The following CSNK1D variants were observed in gnomAD, a reference collection of about 807,000 sequenced individuals.
CSNK1D encodes the protein casein kinase 1 delta, also known as casein kinase I isoform delta.
Under a neutral mutation model 46.6 loss-of-function variants are expected in CSNK1D, and 16 were observed. That is an observed-to-expected ratio of 0.34 (90% CI 0.23 to 0.52). CSNK1D has a LOEUF of 0.52. Ranked by LOEUF, CSNK1D falls within the 20% of genes least tolerant of loss-of-function variation. The pLI is 0.95. For synonymous variants in CSNK1D, 276 were observed against 228.2 expected (o/e 1.21, Z -1.89); for missense variants, 398 against 578.4 (o/e 0.69, Z 3.20).
chr17:82,264,531 G>C (rs542377940), intron 2 of CSNK1D, among the ~76,000 whole-genome samples: 1 of 152,358 alleles, frequency 6.6e-6, no homozygotes, highest in Admixed American at 6.5e-5. Flanking sequence ...AGGGCTCGCA[G>C]AACTGGGACA....
Position 82,246,581 on chromosome 17 carries a change from C to T in CSNK1D, c.1198-1750G>A, listed in dbSNP as rs747347449. 1.1e-4 allele frequency: 114 copies of T among 1,028,120 alleles called. No individual in the cohort carries two copies. The Middle Eastern group carries it at 1.5e-3, about 13-fold the overall frequency. The allele number at this position is 1,028,120 out of a possible 1,614,324, so 63.7% of individuals were successfully genotyped here. A position where few individuals can be genotyped will look rare whatever the true frequency, so the allele number is the denominator to read the frequency against. On this transcript the variant is annotated intron_variant, in intron 8 of 8. Transcript: ENST00000314028. ...CCAAAGAGCCCTGGCCGAACACCAA[C>T]AGCCCGAAAAGAGAGGGGGCGAAGA...
rs1034024574 is a variant in CSNK1D at position 82,249,260 on chromosome 17, G to C, written c.1057+171C>G. ...GGAATCACGCACACCAGCAGGTGCC[G>C]GCATTTCTAAAGGCGCCTGGGCAGC... On this transcript the variant is annotated intron_variant, in intron 7 of 8. Transcript: ENST00000314028. This position sits in a 1 kb window ranked among gnomAD's most constrained non-coding sequence, Gnocchi z 6.7. The C allele has an allele frequency of 1.2e-6, 1 of 810,356 alleles. No individual in the cohort carries two copies. Among genetic ancestry groups the C allele is most frequent in the Non-Finnish European group, 1.9e-6 (1 of 525,118 alleles). The allele number at this position is 810,356 out of a possible 1,614,324, so 50.2% of individuals were successfully genotyped here.
At chr17:82,265,899 A>G in intron 1 of CSNK1D, 103 bp from the exon 2 acceptor site, 2 of 944,012 alleles carry the variant, frequency 2.1e-6, no homozygotes, top group Non-Finnish European at 1.7e-6. Flanking sequence ...ATGAAGGACC[A>G]AGTGAGGGAT....
At chr17:82,258,204 C>CAAAAAA (rs36125401) in intron 2 of CSNK1D, among the ~76,000 whole-genome samples, 1 of 51,904 alleles carries the variant, frequency 1.9e-5, no homozygotes, top group Non-Finnish European at 4.2e-5. Context: ...GAGACCGTCT[C>CAAAAAA]AAAAAAAAAA....
rs1195408238 is a variant in CSNK1D at position 82,250,482 on chromosome 17, G to GGGA, written c.886-883_886-881dup. 2 of 322,142 alleles carry GGGA rather than the reference G, an allele frequency of 6.2e-6. No homozygotes were observed. Among genetic ancestry groups the GGGA allele is most frequent in the Non-Finnish European group, 1.2e-5 (2 of 161,150 alleles). The allele number at this position is 322,142 out of a possible 1,614,324, so 20.0% of individuals were successfully genotyped here. A position where few individuals can be genotyped will look rare whatever the true frequency, so the allele number is the denominator to read the frequency against. ...CCCGAGGCAGCACAGCCCCGGCAGA[G>GGGA]GGACTGATCTGCCCTGCCGAGTGCA... On this transcript the variant is annotated intron_variant, in intron 6 of 8. Coordinates refer to ENST00000314028, the MANE Select transcript of CSNK1D (RefSeq NM_001893.6). This position sits in a 1 kb window ranked among gnomAD's most constrained non-coding sequence, Gnocchi z 4.6.
At position 82,273,247 on chromosome 17, in the gene CSNK1D, G is replaced by T; in HGVS notation, c.76+59C>A. 6.5e-7 allele frequency: 1 copy of T among 1,538,666 alleles called. No homozygotes were observed. The highest frequency in any genetic ancestry group is 8.8e-7 in the Non-Finnish European group (1 of 1,133,022). ...CCACTTCCTTCCGCGATCGCGCTTG[G>T]TCTTGGCAGCCGCAGGGCCCGGGTC... On this transcript the variant is annotated intron_variant, in intron 1 of 8. Transcript: ENST00000314028. This position sits in a 1 kb window ranked among gnomAD's most constrained non-coding sequence, Gnocchi z 5.1.
intron 1 of CSNK1D, among the ~76,000 whole-genome samples, chr17:82,271,030 G>A (rs1567821476): frequency 6.6e-6 from 1 of 152,206 alleles, no homozygotes; most frequent in Admixed American, 6.5e-5. Flanking sequence ...GCACAAAGTT[G>A]TTTGACAAGG....
In CSNK1D at chr17:82,252,603, T is replaced by C; in HGVS notation, c.567A>G (p.Glu189=). ...YASINTHLGI[E]QSRRDDLESL... ...ACTCCAAGTCATCTCTTCGGGATTG[T>C]TCTGAAAAGAAAAGGGAAAGGCGTG... The change falls in exon 5 of 9, where the codon GAA becomes GAG. Residue 189 remains glutamate, a splice_region_variant and synonymous_variant. Transcript: ENST00000314028. This position sits in a 1 kb window ranked among gnomAD's most constrained non-coding sequence, Gnocchi z 4.6. 1 of 1,613,642 alleles carries C rather than the reference T, an allele frequency of 6.2e-7. No homozygotes were observed. Among genetic ancestry groups the C allele is most frequent in the African/African-American group, 1.3e-5 (1 of 75,062 alleles).
In CSNK1D at chr17:82,251,525, C is replaced by T. The variant is rs1350389912; in HGVS notation, c.739G>A (p.Glu247Lys). The change falls in exon 6 of 9, where the codon GAA (glutamate) becomes AAA (lysine). Residue 247 changes from glutamate (E) to lysine (K), a missense_variant and splice_region_variant. Coordinates refer to ENST00000314028, the MANE Select transcript of CSNK1D (RefSeq NM_001893.6). The surrounding 1 kb of genome is among the most constrained non-coding windows in gnomAD (Gnocchi z 4.5). ...IEVLCKGYPS[E>K]FATYLNFCRS... The stretch of plus-strand genomic sequence containing the variant: ...CAGAAATTCAGGTATGTGGCAAATT[C>T]GGCTACAAAACAAGAAACTCAAAGC... The T allele has an allele frequency of 2.5e-6, 4 of 1,613,814 alleles. No individual in the cohort carries two copies. Among genetic ancestry groups the T allele is most frequent in the African/African-American group, 1.3e-5 (1 of 74,890 alleles).
chr17:82,261,865 T>G (rs1394622435), intron 2 of CSNK1D, among the ~76,000 whole-genome samples: 1 of 152,034 alleles, frequency 6.6e-6, no homozygotes, highest in Non-Finnish European at 1.5e-5. Flanking sequence ...CGTCACCCAC[T>G]GGCCCGGGTT....
In CSNK1D at chr17:82,243,252, G is replaced by A. The variant is rs1001250050; in HGVS notation, c.*1529C>T. 216 of 985,352 alleles carry A rather than the reference G, an allele frequency of 2.2e-4. No homozygotes were observed. Among genetic ancestry groups the A allele is most frequent in the Non-Finnish European group, 2.4e-4 (202 of 829,952 alleles). 61.0% of individuals were successfully genotyped at this position (985,352 alleles called of 1,614,324 possible). ...AGTTATGGCATCCGGGGAACTCTGGGGAGGAGAAGGGAGAACCAAGGTGCA... is the reference window on the plus strand; with the variant it reads ...AGTTATGGCATCCGGGGAACTCTGGAGAGGAGAAGGGAGAACCAAGGTGCA... On this transcript the variant is annotated 3_prime_UTR_variant, in exon 9 of 9. Coordinates refer to ENST00000314028, the MANE Select transcript of CSNK1D (RefSeq NM_001893.6).
chr17:82,243,506 T>C lies in CSNK1D; in HGVS notation c.*1275A>G. On this transcript the variant is annotated 3_prime_UTR_variant, in exon 9 of 9. Transcript: ENST00000314028. ...CTCACGGAGGCCACCTGCCTTCTGG[T>C]GGGACTCGGCCCCACGCACGCTGCT... 1.0e-6 allele frequency: 1 copy of C among 985,476 alleles called. No homozygotes were observed. The highest frequency in any genetic ancestry group is 1.7e-5 in the African/African-American group (1 of 57,348). The allele number at this position is 985,476 out of a possible 1,614,324, so 61.0% of individuals were successfully genotyped here.
rs112464376 is a variant in CSNK1D, at chr17:82,272,555, T to C, written c.76+751A>G. On this transcript the variant is annotated intron_variant, in intron 1 of 8. Coordinates refer to ENST00000314028, the MANE Select transcript of CSNK1D (RefSeq NM_001893.6). ...GCCTCTCATCTTGCCAGCATCTTAA[T>C]CCTGTGTGACTTTCTCTACATTCAC... Among the ~76,000 whole-genome samples, 741 of 152,302 alleles carry C rather than the reference T, an allele frequency of 4.9e-3. 3 individuals are homozygous for C. The highest frequency in any genetic ancestry group is 0.028 in the South Asian group (137 of 4,820).
intron 1 of CSNK1D, among the ~76,000 whole-genome samples, chr17:82,268,407 G>A (rs1052518517): frequency 1.3e-5 from 2 of 152,354 alleles, no homozygotes; most frequent in African/African-American, 2.4e-5. Flanking sequence ...GCACAGAGGC[G>A]CTCAGTAACT....
Position 82,243,074 on chromosome 17 carries a change from G to A in CSNK1D, c.*1707C>T. On this transcript the variant is annotated 3_prime_UTR_variant, in exon 9 of 9. Coordinates refer to ENST00000314028, the MANE Select transcript of CSNK1D (RefSeq NM_001893.6). ...CTCTGACCCACCCCAACCTCCCTCT[G>A]TACTTCAACACACAGCTCCCACCCG... is the stretch of plus-strand genomic sequence containing the variant. 2 of 985,394 alleles carry A rather than the reference G, an allele frequency of 2.0e-6. No individual in the cohort carries two copies. The highest frequency in any genetic ancestry group is 2.4e-6 in the Non-Finnish European group (2 of 829,930). 61.0% of individuals were successfully genotyped at this position (985,394 alleles called of 1,614,324 possible).
chr17:82,243,138 A>G lies in CSNK1D; in HGVS notation c.*1643T>C. 1 of 985,552 alleles carries G rather than the reference A, an allele frequency of 1.0e-6. No homozygotes were observed. The highest frequency in any genetic ancestry group is 1.2e-6 in the Non-Finnish European group (1 of 829,988). The allele number at this position is 985,552 out of a possible 1,614,324, so 61.1% of individuals were successfully genotyped here. On this transcript the variant is annotated 3_prime_UTR_variant, in exon 9 of 9. Coordinates refer to ENST00000314028, the MANE Select transcript of CSNK1D (RefSeq NM_001893.6). Reference sequence around the variant, plus strand: ...ACTCCAAAACGCTTACACAGTAACCAGCCTAGGATTGAGAAAGCATCCATG... The same window carrying G: ...ACTCCAAAACGCTTACACAGTAACCGGCCTAGGATTGAGAAAGCATCCATG...
chr17:82,267,712 G>A (rs771151483), intron 1 of CSNK1D, among the ~76,000 whole-genome samples: 2 of 152,224 alleles, frequency 1.3e-5, no homozygotes, highest in African/African-American at 2.4e-5. Context: ...CCTGGACTCT[G>A]AACTCAACTC....
At chr17:82,241,501 G>A (rs181204364), downstream of CSNK1D, among the ~76,000 whole-genome samples, 1 of 152,386 alleles carries the variant, frequency 6.6e-6, no homozygotes, top group African/African-American at 2.4e-5. Context: ...AACAGGCCTT[G>A]AGGACATGCA....
chr17:82,248,756 A>C lies in CSNK1D; in HGVS notation c.1197+119T>G. 2 of 1,521,578 alleles carry C rather than the reference A, an allele frequency of 1.3e-6. No individual in the cohort carries two copies. The highest frequency in any genetic ancestry group is 1.2e-5 in the South Asian group (1 of 82,304). 94.3% of individuals were successfully genotyped at this position (1,521,578 alleles called of 1,614,324 possible). ...AAGACGCCACACCCTGGCGAGATTA[A>C]AAACTCTCAAAAATGGGGGGAAGAA... On this transcript the variant is annotated intron_variant, in intron 8 of 8. Transcript: ENST00000314028. This position sits in a 1 kb window ranked among gnomAD's most constrained non-coding sequence, Gnocchi z 4.1.
Sources: allele counts gnomAD v4.1 joint callset (sites outside exome capture counted in the v4.1 genomes callset), GRCh38; gene constraint gnomAD v4.1.1; non-coding constraint Gnocchi (gnomAD v3.1); transcripts MANE v1.5; gene names NCBI Gene and HGNC (gene_info 2026-07-23, HGNC 2026-07-21).